RBFOX1: variants seen among roughly 807,000 people sequenced by gnomAD.
RBFOX1 encodes the protein RNA binding protein fox-1 homolog 1.
RBFOX1 carries 8 observed loss-of-function variants against 57.7 expected under a neutral mutation model. That is an observed-to-expected ratio of 0.14 (90% confidence interval 0.08 to 0.25). RBFOX1 has a LOEUF of 0.25. RBFOX1 is among the 10% of genes least tolerant of loss of function. RBFOX1 has a pLI of 1.00. For missense variants in RBFOX1, 611 were observed against 548.5 expected (o/e 1.11, Z -1.14); for synonymous variants, 326 against 222.4 (o/e 1.47, Z -4.15).
intron 3 of RBFOX1, among the ~76,000 whole-genome samples, chr16:6,898,544 A>T (rs182247669): frequency 6.6e-6 from 1 of 152,184 alleles, no homozygotes; most frequent in South Asian, 2.1e-4. Context: ...AGGAAACAGA[A>T]CATGGATTCT....
At chr16:6,961,979 C>G (rs899944199) in intron 3 of RBFOX1, among the ~76,000 whole-genome samples, 3 of 152,116 alleles carry the variant, frequency 2.0e-5, no homozygotes, top group African/African-American at 7.2e-5. Context: ...AATGTCTAAC[C>G]TCATGGGAAT....
At chr16:7,245,364 G>T (rs950660271) in intron 4 of RBFOX1, among the ~76,000 whole-genome samples, 3 of 151,966 alleles carry the variant, frequency 2.0e-5, no homozygotes, top group Non-Finnish European at 4.4e-5. Flanking sequence ...TACAGGATGT[G>T]CAGGTTCATT....
chr16:6,921,647 T>A (rs868093860), intron 3 of RBFOX1, among the ~76,000 whole-genome samples: 706 of 37,662 alleles, frequency 0.019, 1 homozygote, highest in Non-Finnish European at 0.039. Context: ...ATATATATAT[T>A]TTTTTTTTTC....
At chr16:6,338,858 G>A (rs888679268) in intron 2 of RBFOX1, among the ~76,000 whole-genome samples, 1 of 152,114 alleles carries the variant, frequency 6.6e-6, no homozygotes, top group Non-Finnish European at 1.5e-5. Context: ...TTTTGTGGTA[G>A]GTACACAATA....
chr16:7,348,491 C>T (rs1190872272), intron 4 of RBFOX1, among the ~76,000 whole-genome samples: 1 of 152,120 alleles, frequency 6.6e-6, no homozygotes, highest in African/African-American at 2.4e-5. Context: ...TTTCCACATG[C>T]CCCTTTGCTC....
intron 2 of RBFOX1, among the ~76,000 whole-genome samples, chr16:5,480,107 TCTC>T (rs1239769461): frequency 2.0e-5 from 3 of 151,956 alleles, no homozygotes; most frequent in Non-Finnish European, 4.4e-5. Flanking sequence ...AAGTGGGAGG[TCTC>T]CTCCGCAGAG....
chr16:6,684,924 T>C (rs1235534809), intron 3 of RBFOX1, among the ~76,000 whole-genome samples: 1 of 152,208 alleles, frequency 6.6e-6, no homozygotes, highest in East Asian at 1.9e-4. Context: ...ACTTTATACA[T>C]TTTCTGGCTT....
chr16:7,628,695 C>T (rs1037002706), intron 10 of RBFOX1, among the ~76,000 whole-genome samples: 37 of 152,120 alleles, frequency 2.4e-4, no homozygotes, highest in Admixed American at 2.4e-3. Context: ...TTACTGCAAC[C>T]TCCACCTCCT....
chr16:6,170,007 G>T (rs531415124), intron 1 of RBFOX1, among the ~76,000 whole-genome samples: 4 of 152,064 alleles, frequency 2.6e-5, no homozygotes, highest in Non-Finnish European at 5.9e-5. Context: ...GACCTTAAGC[G>T]ATCCACCCAC....
intron 3 of RBFOX1, among the ~76,000 whole-genome samples, chr16:6,926,666 A>G (rs2075643734): frequency 6.6e-6 from 1 of 152,112 alleles, no homozygotes; most frequent in South Asian, 2.1e-4. Context: ...GAGTAAACAT[A>G]TGTGCATGGT....
chr16:5,793,078 G>A (rs972048974), intron 3 of RBFOX1, among the ~76,000 whole-genome samples: 3 of 152,168 alleles, frequency 2.0e-5, no homozygotes, highest in Non-Finnish European at 2.9e-5. Flanking sequence ...TGTACTTCCC[G>A]TTTTCCAGAC....
chr16:7,510,101 G>C, intron 4 of RBFOX1: 1 of 981,718 alleles, frequency 1.0e-6, no homozygotes, highest in Non-Finnish European at 1.2e-6. Flanking sequence ...AGTGCCATCT[G>C]GGTTGGTTTT....
intron 4 of RBFOX1, among the ~76,000 whole-genome samples, chr16:7,108,992 C>T (rs2064130292): frequency 6.6e-6 from 1 of 152,094 alleles, no homozygotes; most frequent in Non-Finnish European, 1.5e-5. Flanking sequence ...GGTAGGTTTG[C>T]ATTTGTCAAT....
chr16:7,005,263 C>G (rs976798472), intron 3 of RBFOX1, among the ~76,000 whole-genome samples: 3 of 152,168 alleles, frequency 2.0e-5, no homozygotes, highest in African/African-American at 7.2e-5. Context: ...CCTTACCTTT[C>G]AAGAGAACCT....
At chr16:7,000,877 C>G (rs541042423) in intron 3 of RBFOX1, among the ~76,000 whole-genome samples, 1 of 152,144 alleles carries the variant, frequency 6.6e-6, no homozygotes, top group Non-Finnish European at 1.5e-5. Context: ...GCTGGGATTA[C>G]AGGCGTGAGC....
intron 3 of RBFOX1, among the ~76,000 whole-genome samples, chr16:6,739,228 T>C (rs1261129171): frequency 6.7e-6 from 1 of 148,648 alleles, no homozygotes; most frequent in Non-Finnish European, 1.5e-5. Flanking sequence ...AAACTTCTAG[T>C]AGGGATGATA....
At chr16:7,549,022 G>C (rs983901758) in intron 5 of RBFOX1, among the ~76,000 whole-genome samples, 4 of 152,216 alleles carry the variant, frequency 2.6e-5, no homozygotes, top group African/African-American at 9.6e-5. Flanking sequence ...CCCAGATGGT[G>C]ATAGGAGAGA....
chr16:6,439,318 C>A (rs1486423837), intron 2 of RBFOX1, among the ~76,000 whole-genome samples: 2 of 152,160 alleles, frequency 1.3e-5, no homozygotes, highest in Admixed American at 1.3e-4. Flanking sequence ...CATGTTAATG[C>A]AGATTGTCAG....
At chr16:5,366,018 C>T (rs2065704442) in intron 1 of RBFOX1, 2 of 495,276 alleles carry the variant, frequency 4.0e-6, no homozygotes, top group East Asian at 1.1e-4. Flanking sequence ...ATTAAAGTAA[C>T]ACTGGCAGCT....
Sources: allele counts gnomAD v4.1 joint callset (sites outside exome capture counted in the v4.1 genomes callset), GRCh38; gene constraint gnomAD v4.1.1; transcripts MANE v1.5; gene names NCBI Gene and HGNC (gene_info 2026-07-23, HGNC 2026-07-21).